The following SEPTIN11 variants were observed in gnomAD, a reference collection of about 807,000 sequenced individuals.
The protein encoded by SEPTIN11 is septin 11.
In SEPTIN11, 25 loss-of-function variants were observed where a neutral mutation model predicts 51.4. The ratio of observed to expected loss-of-function variants is 0.49; its 90% confidence interval spans 0.35 to 0.68. The LOEUF (loss-of-function observed/expected upper bound fraction) is 0.68. SEPTIN11 is among the 30% of genes least tolerant of loss of function. SEPTIN11 has a pLI of 0.00. For missense variants in SEPTIN11, 381 were observed against 520.8 expected, an observed-to-expected ratio of 0.73 and a Z score of 2.61; for synonymous variants, 174 against 184.1, an observed-to-expected ratio of 0.95 and a Z score of 0.44.
intron 2 of SEPTIN11, among the ~76,000 whole-genome samples, chr4:77,004,808 C>G (rs556310377): frequency 6.6e-6 from 1 of 152,196 alleles, no homozygotes; most frequent in African/African-American, 2.4e-5. Context: ...ACTAAAAATA[C>G]AAAAATTAGC....
chr4:77,036,662 A>T lies in SEPTIN11; in HGVS notation c.*2150A>T, dbSNP rs4076785. ...AAACAAATAGAAGCTTTTTTTTTTA[A>T]AAAATGTATTGCTTCTGAACTTTTT... is the stretch of plus-strand genomic sequence containing the variant. On this transcript the variant is annotated 3_prime_UTR_variant, in exon 10 of 10. Transcript: ENST00000264893. 42,096 of 1,494,546 alleles carry T rather than the reference A, an allele frequency of 0.028. 635 individuals carry two copies. Among genetic ancestry groups the T allele is most frequent in the East Asian group, 0.075 (3,009 of 40,222 alleles). 92.6% of individuals were successfully genotyped at this position (1,494,546 alleles called of 1,614,324 possible). A position where few individuals can be genotyped will look rare whatever the true frequency, so the allele number is the denominator to read the frequency against.
At chr4:77,016,200 T>C (rs1725210456) in intron 5 of SEPTIN11, among the ~76,000 whole-genome samples, 1 of 152,116 alleles carries the variant, frequency 6.6e-6, no homozygotes, top group South Asian at 2.1e-4. Flanking sequence ...TGTTCAAGAC[T>C]TTCCATTTAA....
chr4:76,995,227 C>G (rs939219119), intron 1 of SEPTIN11, among the ~76,000 whole-genome samples: 1 of 150,350 alleles, frequency 6.7e-6, no homozygotes. Flanking sequence ...ACTAAACATA[C>G]AAAAATTAGC....
At chr4:77,007,296 C>A (rs933103252) in intron 3 of SEPTIN11, among the ~76,000 whole-genome samples, 1 of 152,218 alleles carries the variant, frequency 6.6e-6, no homozygotes, top group Admixed American at 6.5e-5. Context: ...ATCTCTCAGA[C>A]TGGTATAGAT....
At chr4:77,011,952 T>A in intron 4 of SEPTIN11, 31 bp downstream of exon 4, 1 of 1,589,998 alleles carries the variant, frequency 6.3e-7, no homozygotes, top group Non-Finnish European at 8.6e-7. Flanking sequence ...TATCATCCAC[T>A]CTCCTTTTAG....
chr4:77,034,020 A>G (rs1375076429), intron 9 of SEPTIN11, among the ~76,000 whole-genome samples: 3 of 152,116 alleles, frequency 2.0e-5, no homozygotes, highest in African/African-American at 7.2e-5. Flanking sequence ...TCCATTCACT[A>G]TGTAATTTCA....
chr4:77,022,833 T>TC (rs1196970111), intron 7 of SEPTIN11, among the ~76,000 whole-genome samples: 1 of 151,966 alleles, frequency 6.6e-6, no homozygotes. Context: ...TATGATGCTA[T>TC]CCTTAGCTAT....
intron 1 of SEPTIN11, among the ~76,000 whole-genome samples, chr4:76,974,053 G>C (rs549963611): frequency 1.3e-5 from 2 of 152,274 alleles, no homozygotes; most frequent in South Asian, 4.1e-4. Flanking sequence ...TTGAGCCCCA[G>C]AATACAGCTT....
At chr4:77,014,088 T>C (rs1725055381) in intron 4 of SEPTIN11, among the ~76,000 whole-genome samples, 1 of 152,208 alleles carries the variant, frequency 6.6e-6, no homozygotes, top group Non-Finnish European at 1.5e-5. Context: ...TGTCAAATTC[T>C]GAGTTCTCCC....
chr4:77,039,611 TGTTA>T (rs1727252369), downstream of SEPTIN11: 1 of 984,898 alleles, frequency 1.0e-6, no homozygotes, highest in Non-Finnish European at 1.2e-6. Context: ...TCCTTCCTTT[TGTTA>T]GTTTTATGGG....
intron 1 of SEPTIN11, among the ~76,000 whole-genome samples, chr4:76,972,831 G>A (rs964154282): frequency 2.0e-5 from 3 of 152,138 alleles, no homozygotes; most frequent in Non-Finnish European, 4.4e-5. Context: ...GCTAGGCACT[G>A]TGTCTAAGGA....
intron 1 of SEPTIN11, among the ~76,000 whole-genome samples, chr4:76,972,095 A>G (rs1312698901): frequency 1.3e-5 from 2 of 152,222 alleles, no homozygotes; most frequent in Non-Finnish European, 2.9e-5. Context: ...TTTCTCTGCA[A>G]ATAACGTATT....
intron 6 of SEPTIN11, among the ~76,000 whole-genome samples, chr4:77,020,040 T>C (rs1725585785): frequency 6.6e-6 from 1 of 152,166 alleles, no homozygotes; most frequent in Admixed American, 6.5e-5. Context: ...AATGAAGTGG[T>C]ATGTAAAAGT....
intron 1 of SEPTIN11, chr4:76,974,793 G>T (rs1409578967): frequency 2.2e-6 from 1 of 456,612 alleles, no homozygotes; most frequent in Non-Finnish European, 4.4e-6. Flanking sequence ...CCTCAATGCA[G>T]TTGGATATTT....
Position 77,035,275 on chromosome 4 carries a change from G to C in SEPTIN11, c.*763G>C. On this transcript the variant is annotated 3_prime_UTR_variant, in exon 10 of 10. Coordinates refer to ENST00000264893, the MANE Select transcript of SEPTIN11 (RefSeq NM_018243.4). ...CTTAAAGGTTGGATCATGTAACATT[G>C]CTTAGTAGAAGAATCTTCTTCTAAG... 1 of 985,338 alleles carries C rather than the reference G, an allele frequency of 1.0e-6. No homozygotes were observed. Among genetic ancestry groups the C allele is most frequent in the Non-Finnish European group, 1.2e-6 (1 of 829,906 alleles). The allele number at this position is 985,338 out of a possible 1,614,324, so 61.0% of individuals were successfully genotyped here.
At chr4:77,015,685 A>T (rs1435425859) in intron 5 of SEPTIN11, among the ~76,000 whole-genome samples, 1 of 152,102 alleles carries the variant, frequency 6.6e-6, no homozygotes, top group African/African-American at 2.4e-5. Flanking sequence ...AATGCATAAC[A>T]TCCATGAAAG....
At chr4:77,016,659 C>CACACACACACATATAT (rs1553975155) in intron 5 of SEPTIN11, among the ~76,000 whole-genome samples, 1 of 65,704 alleles carries the variant, frequency 1.5e-5, no homozygotes, top group African/African-American at 5.3e-5. Flanking sequence ...TATATATACA[C>CACACACACACATATAT]ATATATATAT....
rs1295751323 is a variant in SEPTIN11, at chr4:77,005,635, C to T, written c.177C>T (p.Asp59=). The change falls in exon 3 of 10, where the codon GAC becomes GAT. Residue 59 remains aspartate (D), a synonymous_variant. Coordinates refer to ENST00000264893, the MANE Select transcript of SEPTIN11 (RefSeq NM_018243.4). ...GCATTGGCAAATCCACGTTAATGGA[C>T]ACTTTGTTCAACACCAAATTTGAAA... ...ETGIGKSTLM[D]TLFNTKFESD... 1 of 1,613,914 alleles carries T rather than the reference C, an allele frequency of 6.2e-7. No homozygotes were observed. The highest frequency in any genetic ancestry group is 8.5e-7 in the Non-Finnish European group (1 of 1,179,906).
intron 7 of SEPTIN11, among the ~76,000 whole-genome samples, chr4:77,026,551 G>A (rs948321332): frequency 2.0e-5 from 3 of 152,134 alleles, no homozygotes; most frequent in Admixed American, 1.3e-4. Context: ...ACCATGCACT[G>A]TGAATCTGCT....
Sources: gnomAD v4.1 joint callset for allele counts (sites outside exome capture counted in the v4.1 genomes callset) on GRCh38, gnomAD v4.1.1 for gene constraint, MANE v1.5 for transcripts, NCBI Gene and HGNC (gene_info 2026-07-23, HGNC 2026-07-21) for gene names.